The following CYP2R1 variants were observed in gnomAD, a reference collection of about 807,000 sequenced individuals.
The protein encoded by CYP2R1 is cytochrome P450 family 2 subfamily R member 1.
A neutral mutation model predicts 45.7 loss-of-function variants in CYP2R1; 40 were observed. The observed-to-expected ratio is 0.87, with a 90% CI of 0.68 to 1.14. The LOEUF is 1.14. Ranked by LOEUF, CYP2R1 falls within the 50% of genes most tolerant of loss-of-function variation. CYP2R1 has a pLI of 0.00. For missense variants in CYP2R1, 605 were observed against 602.6 expected, an observed-to-expected ratio of 1.00 and a Z score of -0.04; for synonymous variants, 234 against 219.3, an observed-to-expected ratio of 1.07 and a Z score of -0.59.
At chr11:14,883,098 G>A (rs1453037487) in intron 2 of CYP2R1, among the ~76,000 whole-genome samples, 6 of 152,206 alleles carry the variant, frequency 3.9e-5, no homozygotes, top group African/African-American at 1.4e-4. Context: ...CATGAAAATG[G>A]CCATACTGCC....
intron 1 of CYP2R1, among the ~76,000 whole-genome samples, chr11:14,889,921 G>T (rs1209890784): frequency 6.6e-6 from 1 of 152,082 alleles, no homozygotes; most frequent in Non-Finnish European, 1.5e-5. Flanking sequence ...GAGGTCAGGA[G>T]ATCGAGACCA....
intron 1 of CYP2R1, 160 bp downstream of exon 1, chr11:14,891,821 C>G (rs1848869584): frequency 4.1e-6 from 4 of 972,500 alleles, no homozygotes; most frequent in Non-Finnish European, 3.7e-6. Context: ...GGACTTCTCC[C>G]TTCCAGACCC....
intron 1 of CYP2R1, chr11:14,890,532 C>T (rs1590234298): frequency 1.1e-5 from 2 of 179,026 alleles, no homozygotes; most frequent in South Asian, 2.1e-4. Flanking sequence ...AAACCTAGAC[C>T]AATTCTTTTT....
At chr11:14,884,249 C>G (rs1262852808) in intron 2 of CYP2R1, among the ~76,000 whole-genome samples, 3 of 151,838 alleles carry the variant, frequency 2.0e-5, no homozygotes, top group African/African-American at 4.8e-5. Flanking sequence ...TATTGCGGCA[C>G]TATTCACAAT....
intron 2 of CYP2R1, among the ~76,000 whole-genome samples, chr11:14,884,383 G>C (rs552622474): frequency 3.9e-5 from 6 of 152,022 alleles, no homozygotes; most frequent in African/African-American, 1.4e-4. Flanking sequence ...CCTTTGTTAG[G>C]GACATGGATG....
At position 14,880,384 on chromosome 11, in the gene CYP2R1, G is replaced by A; in HGVS notation, c.752C>T (p.Ala251Val). The A allele has an allele frequency of 1.2e-6, 2 of 1,613,402 alleles. No homozygotes were observed. The highest frequency in any genetic ancestry group is 1.7e-6 in the Non-Finnish European group (2 of 1,179,638). The change falls in exon 3 of 5, where the codon GCT (alanine) becomes GTT (valine). Residue 251 changes from alanine to valine, a missense_variant. Physicochemically the swap from Ala to Val is moderately conservative, Grantham distance 64 (BLOSUM62 0). Transcript: ENST00000334636. Reference protein sequence around the residue: ...GKHQQLFRNAAVVYDFLSRLI... With the variant: ...GKHQQLFRNAVVVYDFLSRLI... ...TCTGGAGAGAAAATCATAGACTACA[G>A]CTGCATTTCTAAACAGCTGTTGATG... is the stretch of plus-strand genomic sequence containing the variant.
intron 2 of CYP2R1, among the ~76,000 whole-genome samples, chr11:14,884,524 G>C (rs1848529890): frequency 1.6e-5 from 2 of 125,814 alleles, no homozygotes; most frequent in South Asian, 6.0e-4. Flanking sequence ...ACACTCTGGG[G>C]ACTGTTGTGG....
At chr11:14,891,086 A>G in intron 1 of CYP2R1, 1 of 985,408 alleles carries the variant, frequency 1.0e-6, no homozygotes, top group Non-Finnish European at 1.2e-6. Context: ...AATTCAAAAC[A>G]AAACAGGTGA....
chr11:14,879,400 C>T lies in CYP2R1; in HGVS notation c.1044G>A (p.Gly348=), dbSNP rs782430792. Residue 348 remains glycine, a synonymous_variant, in exon 4 of 5, where the codon GGG becomes GGA. Transcript: ENST00000334636. ...TGCATTTGTCGTCCCAAGAAGGCTT[C>T]CCATTAGGGCCCATAATTAAATCAA... The part of the protein sequence containing the change: ...KEIDLIMGPN[G]KPSWDDKCKM... 1 of 1,606,588 alleles carries T rather than the reference C, an allele frequency of 6.2e-7. No homozygotes were observed. Among genetic ancestry groups the T allele is most frequent in the Non-Finnish European group, 8.5e-7 (1 of 1,179,332 alleles).
Position 14,880,758 on chromosome 11 carries a change from A to G in CYP2R1, c.378T>C (p.Asn126=). ...CAACCCATCCTCGGCCATATCTGGA[A>G]TTGAGTAAGCCTGAAAAAAAATATT... ...MKMTKMGGLL[N]SRYGRGWVDH... Residue 126 remains asparagine (N), a synonymous_variant, in exon 3 of 5, where the codon AAT becomes AAC. Transcript: ENST00000334636. The G allele has an allele frequency of 6.2e-7, 1 of 1,607,790 alleles. No individual in the cohort carries two copies. Among genetic ancestry groups the G allele is most frequent in the South Asian group, 1.1e-5 (1 of 89,606 alleles).
At chr11:14,890,893 G>A (rs1848825651) in intron 1 of CYP2R1, 4 of 985,338 alleles carry the variant, frequency 4.1e-6, no homozygotes, top group Non-Finnish European at 4.8e-6. Flanking sequence ...AGGATTTAAG[G>A]TCAAACCTGA....
chr11:14,879,466 G>A (rs782173820), intron 3 of CYP2R1, 23 bp from the exon 4 acceptor site: 2 of 1,559,292 alleles, frequency 1.3e-6, no homozygotes, highest in Non-Finnish European at 1.7e-6. Flanking sequence ...AAGTATTCAA[G>A]TTATTATGCA....
chr11:14,879,742 A>C (rs1848303798), intron 3 of CYP2R1, among the ~76,000 whole-genome samples: 1 of 152,172 alleles, frequency 6.6e-6, no homozygotes, highest in Non-Finnish European at 1.5e-5. Context: ...TTGTTCTAAC[A>C]GTAGCCAGTG....
intron 2 of CYP2R1, among the ~76,000 whole-genome samples, chr11:14,884,802 A>G (rs138946684): frequency 1.3e-5 from 2 of 152,260 alleles, no homozygotes; most frequent in African/African-American, 4.8e-5. Flanking sequence ...ATAAATTTAC[A>G]GCTTTGAAAA....
At chr11:14,890,815 T>A in intron 1 of CYP2R1, 1 of 967,416 alleles carries the variant, frequency 1.0e-6, no homozygotes, top group Non-Finnish European at 1.2e-6. Context: ...CCTAAAGTGC[T>A]GGGATTATAG....
chr11:14,884,627 C>CA (rs1453643688), intron 2 of CYP2R1, among the ~76,000 whole-genome samples: 1 of 151,590 alleles, frequency 6.6e-6, no homozygotes, highest in Non-Finnish European at 1.5e-5. Flanking sequence ...CACATGTATA[C>CA]ATATGTAACT....
chr11:14,879,495 A>G (rs782680484), intron 3 of CYP2R1, 52 bp from the exon 4 acceptor site: 2 of 1,384,894 alleles, frequency 1.4e-6, no homozygotes, highest in Non-Finnish European at 1.0e-6. Context: ...AATTATACCT[A>G]AAGTTATTTC....
Position 14,878,115 on chromosome 11 carries a change from G to A in CYP2R1, c.*7C>T. On this transcript the variant is annotated 3_prime_UTR_variant, in exon 5 of 5. Transcript: ENST00000334636. The stretch of plus-strand genomic sequence containing the variant: ...CATTCTTGTTCCCGAAAACATCCCA[G>A]GCAGTTTCAGCGTCTTTCAGCACAG... 4 of 1,612,822 alleles carry A rather than the reference G, an allele frequency of 2.5e-6. No individual in the cohort carries two copies. Among genetic ancestry groups the A allele is most frequent in the Non-Finnish European group, 3.4e-6 (4 of 1,179,264 alleles).
intron 2 of CYP2R1, among the ~76,000 whole-genome samples, chr11:14,883,484 T>C (rs1555013102): frequency 6.6e-6 from 1 of 151,876 alleles, no homozygotes; most frequent in Admixed American, 6.6e-5. Context: ...TAGCCATATG[T>C]AGAAAGCTGA....
Sources: gnomAD v4.1 joint callset for allele counts (sites outside exome capture counted in the v4.1 genomes callset) on GRCh38, gnomAD v4.1.1 for gene constraint, MANE v1.5 for transcripts, NCBI Gene and HGNC (gene_info 2026-07-23, HGNC 2026-07-21) for gene names.